Variants in CCDC141 observed in about 807,000 individuals in gnomAD.
The protein encoded by CCDC141 is coiled-coil domain-containing protein 141.
A neutral mutation model predicts 181.0 loss-of-function variants in CCDC141; 168 were observed. The ratio of observed to expected loss-of-function variants is 0.93; its 90% confidence interval spans 0.82 to 1.05. The LOEUF (loss-of-function observed/expected upper bound fraction) is 1.05. Ranked by LOEUF, CCDC141 falls within the 50% of genes least tolerant of loss-of-function variation. CCDC141 has a pLI of 0.00. For synonymous variants in CCDC141, 666 were observed against 642.3 expected (o/e 1.04, Z -0.56); for missense variants, 1,902 against 1,788.5 (o/e 1.06, Z -1.14).
intron 4 of CCDC141, among the ~76,000 whole-genome samples, chr2:178,964,854 C>G (rs930818354): frequency 1.3e-5 from 2 of 152,124 alleles, no homozygotes; most frequent in Non-Finnish European, 2.9e-5. Context: ...ATACGAAATC[C>G]TACTTACTGA....
At chr2:178,910,627 C>G (rs777851987) in intron 7 of CCDC141, among the ~76,000 whole-genome samples, 1 of 152,182 alleles carries the variant, frequency 6.6e-6, no homozygotes, top group Non-Finnish European at 1.5e-5. Flanking sequence ...TAATTCAGGT[C>G]CTCCCCACAT....
chr2:179,020,433 C>T (rs2042664393), intron 2 of CCDC141, among the ~76,000 whole-genome samples: 1 of 152,092 alleles, frequency 6.6e-6, no homozygotes, highest in African/African-American at 2.4e-5. Flanking sequence ...TACACCTGAT[C>T]CCATGAGACC....
intron 17 of CCDC141, 79 bp downstream of exon 17, chr2:178,865,688 A>C: frequency 7.7e-7 from 1 of 1,301,676 alleles, no homozygotes; most frequent in Non-Finnish European, 1.0e-6. Context: ...AGTGTGCACA[A>C]ATGTGGACAT....
chr2:178,854,574 G>C (rs1177482794), intron 19 of CCDC141, among the ~76,000 whole-genome samples: 1 of 152,164 alleles, frequency 6.6e-6, no homozygotes, highest in Non-Finnish European at 1.5e-5. Context: ...GTCTGACTCA[G>C]GCCTGAAGCA....
chr2:178,946,755 A>G (rs1254257978), intron 5 of CCDC141, among the ~76,000 whole-genome samples: 1 of 152,110 alleles, frequency 6.6e-6, no homozygotes, highest in African/African-American at 2.4e-5. Context: ...TACTGACCTC[A>G]TCTTCTAGAT....
intron 2 of CCDC141, among the ~76,000 whole-genome samples, chr2:179,033,676 AC>A (rs1475345465): frequency 3.3e-5 from 5 of 152,148 alleles, no homozygotes; most frequent in African/African-American, 7.2e-5. Context: ...CAGACCTAGA[AC>A]CTTTTTGTCA....
intron 6 of CCDC141, among the ~76,000 whole-genome samples, chr2:178,933,179 A>T (rs1689162385): frequency 6.6e-6 from 1 of 152,196 alleles, no homozygotes; most frequent in Non-Finnish European, 1.5e-5. Flanking sequence ...AACATTTAAG[A>T]TGATGTTTCT....
At chr2:178,986,452 G>A (rs1474488989) in intron 2 of CCDC141, among the ~76,000 whole-genome samples, 2 of 152,146 alleles carry the variant, frequency 1.3e-5, no homozygotes, top group East Asian at 1.9e-4. Flanking sequence ...ACATAGTGTT[G>A]GATGTTCTGG....
chr2:178,871,637 G>C, intron 13 of CCDC141, 85 bp from the exon 14 acceptor site: 1 of 1,467,734 alleles, frequency 6.8e-7, no homozygotes, highest in Non-Finnish European at 9.2e-7. Flanking sequence ...CGCAGAGTGT[G>C]ATCAAATTTT....
At position 178,903,211 on chromosome 2, in the gene CCDC141, G is replaced by T. The variant is rs551364754; in HGVS notation, c.1265+2118C>A. On this transcript the variant is annotated intron_variant, in intron 8 of 23. Transcript: ENST00000443758. ...GAAGTCAGTGTGGCGATTCCTCAGG[G>T]ATCTAGAACTAGAAATACCATTTGA... Among the ~76,000 whole-genome samples the T allele has an allele frequency of 3.3e-4, 49 of 148,698 alleles. No individual in the cohort carries two copies. In the East Asian group the frequency reaches 8.2e-3, roughly 25 times the overall value.
intron 8 of CCDC141, among the ~76,000 whole-genome samples, chr2:178,895,078 T>C (rs1687342577): frequency 6.6e-6 from 1 of 152,168 alleles, no homozygotes; most frequent in African/African-American, 2.4e-5. Flanking sequence ...GTCCCACTTG[T>C]ACCTGCTTAC....
intron 2 of CCDC141, among the ~76,000 whole-genome samples, chr2:178,983,939 C>T (rs1461380093): frequency 6.7e-6 from 1 of 149,966 alleles, no homozygotes; most frequent in South Asian, 2.1e-4. Context: ...GGCAGGCCAA[C>T]GTTCAGATTC....
At chr2:178,973,129 C>T (rs1020235720) in intron 4 of CCDC141, among the ~76,000 whole-genome samples, 2 of 152,058 alleles carry the variant, frequency 1.3e-5, no homozygotes, top group African/African-American at 4.8e-5. Context: ...AGAATTTCAC[C>T]CTTTAATATG....
chr2:178,868,238 T>C (rs752738109), intron 15 of CCDC141, 33 bp from the exon 16 acceptor site: 1 of 1,568,274 alleles, frequency 6.4e-7, no homozygotes, highest in Non-Finnish European at 8.7e-7. Flanking sequence ...TTAACCTGGG[T>C]TTTATATGAA....
At chr2:178,835,069 A>G (rs1482527479) in intron 23 of CCDC141, among the ~76,000 whole-genome samples, 1 of 152,160 alleles carries the variant, frequency 6.6e-6, no homozygotes, top group Non-Finnish European at 1.5e-5. Flanking sequence ...GCTCATAGTA[A>G]CAATTACCTA....
intron 2 of CCDC141, among the ~76,000 whole-genome samples, chr2:178,983,466 A>G (rs1691546163): frequency 6.6e-6 from 1 of 152,138 alleles, no homozygotes. Flanking sequence ...CTGGATGGAG[A>G]ATGACTTTGA....
At chr2:178,843,305 A>T (rs1054970792) in intron 22 of CCDC141, among the ~76,000 whole-genome samples, 2 of 152,162 alleles carry the variant, frequency 1.3e-5, no homozygotes, top group African/African-American at 4.8e-5. Context: ...CAGTTTCCTC[A>T]ACTGTAAAAT....
At chr2:178,890,803 AATATAG>A (rs1687111879) in intron 8 of CCDC141, among the ~76,000 whole-genome samples, 2 of 152,216 alleles carry the variant, frequency 1.3e-5, no homozygotes, top group Admixed American at 1.3e-4. Flanking sequence ...TGTCATGGGA[AATATAG>A]ATTATAGATG....
chr2:178,901,738 T>G lies in CCDC141; in HGVS notation c.1265+3591A>C, dbSNP rs1257390335. On this transcript the variant is annotated intron_variant, in intron 8 of 23. Coordinates refer to ENST00000443758, the MANE Select transcript of CCDC141 (RefSeq NM_173648.4). ...CTCTCACCACTCCTATTCAACATAGTGTTGGAAGTTCTGGCCAGGGCAATT... is the reference window on the plus strand; with the variant it reads ...CTCTCACCACTCCTATTCAACATAGGGTTGGAAGTTCTGGCCAGGGCAATT... 2.0e-5 allele frequency among the ~76,000 whole-genome samples: 3 copies of G among 151,460 alleles called. No individual in the cohort carries two copies. The East Asian group carries it at 5.8e-4, about 29-fold the overall frequency.
Sources: allele counts gnomAD v4.1 joint callset (sites outside exome capture counted in the v4.1 genomes callset), GRCh38; gene constraint gnomAD v4.1.1; transcripts MANE v1.5; gene names NCBI Gene and HGNC (gene_info 2026-07-23, HGNC 2026-07-21).